Variants in PDS5B observed in about 807,000 individuals in gnomAD.
PDS5B encodes the protein PDS5 cohesin associated factor B, also known as sister chromatid cohesion protein PDS5 homolog B.
A neutral mutation model predicts 184.1 loss-of-function variants in PDS5B; 51 were observed. That is an observed-to-expected ratio of 0.28 (90% CI 0.22 to 0.35). The LOEUF (loss-of-function observed/expected upper bound fraction) is 0.35, where lower values mean the gene tolerates loss of function less well. PDS5B is among the 10% of genes least tolerant of loss of function. The pLI is 1.00. For synonymous variants in PDS5B, 566 were observed against 569.2 expected (o/e 0.99, Z 0.08); for missense variants, 1,180 against 1,723.3 (o/e 0.68, Z 5.58).
chr13:32,627,013 C>CTTT (rs11432906), intron 1 of PDS5B, among the ~76,000 whole-genome samples: 98 of 151,928 alleles, frequency 6.5e-4, no homozygotes, highest in African/African-American at 2.3e-3. Flanking sequence ...CTATCTAGCA[C>CTTT]TTTTTTTTAT....
chr13:32,682,929 G>T (rs1052877556), intron 10 of PDS5B, among the ~76,000 whole-genome samples: 1 of 151,882 alleles, frequency 6.6e-6, no homozygotes, highest in Admixed American at 6.6e-5. Flanking sequence ...TTTACTTGTT[G>T]TCCATCTGCC....
At chr13:32,664,146 T>A (rs1429315739) in intron 6 of PDS5B, among the ~76,000 whole-genome samples, 1 of 152,212 alleles carries the variant, frequency 6.6e-6, no homozygotes, top group Non-Finnish European at 1.5e-5. Flanking sequence ...TGGTTCCATA[T>A]CTTAAGCATG....
chr13:32,630,644 A>C (rs2058439875), intron 1 of PDS5B, among the ~76,000 whole-genome samples: 1 of 152,062 alleles, frequency 6.6e-6, no homozygotes, highest in South Asian at 2.1e-4. Context: ...CAAGGTTAAA[A>C]TCTCTGAGCC....
chr13:32,592,264 T>C (rs1004738637), intron 1 of PDS5B, among the ~76,000 whole-genome samples: 2 of 151,302 alleles, frequency 1.3e-5, no homozygotes, highest in Admixed American at 1.3e-4. Context: ...TTGGTTTTCT[T>C]TTTTTTTGAG....
At chr13:32,657,170 G>A (rs1485209291) in intron 3 of PDS5B, among the ~76,000 whole-genome samples, 2 of 152,176 alleles carry the variant, frequency 1.3e-5, no homozygotes, top group Non-Finnish European at 2.9e-5. Context: ...TGTCAGTGGA[G>A]TGTTAAAGCC....
rs1045761031 is a variant in PDS5B at position 32,777,642 on chromosome 13, G to A, written c.*2590G>A. On this transcript the variant is annotated 3_prime_UTR_variant, in exon 35 of 35. Coordinates refer to ENST00000315596, the MANE Select transcript of PDS5B (RefSeq NM_015032.4). ...TCCATTATGAAAATCTTATTCCTCA[G>A]TGAGGTTATCTTGCTGCACTCTGTA... is the stretch of plus-strand genomic sequence containing the variant. 6.6e-6 allele frequency: 1 copy of A among 152,218 alleles called. No homozygotes were observed. The highest frequency in any genetic ancestry group is 1.5e-5 in the Non-Finnish European group (1 of 67,794). The allele number at this position is 152,218 out of a possible 1,614,324, so 9.4% of individuals were successfully genotyped here. A position where few individuals can be genotyped will look rare whatever the true frequency, so the allele number is the denominator to read the frequency against.
chr13:32,648,801 A>C lies in PDS5B; in HGVS notation c.29A>C (p.Asp10Ala). Residue 10 changes from aspartate to alanine, a missense_variant, in exon 2 of 35, where the codon GAT (aspartate) becomes GCT (alanine). Coordinates refer to ENST00000315596, the MANE Select transcript of PDS5B (RefSeq NM_015032.4). MAHSKTRTN[D>A]GKITYPPGVK... is the part of the protein sequence containing the mutation. ...GCTCATTCAAAGACTAGGACCAATG[A>C]TGGAAAAATTACATATCCGCCTGGG... The C allele has an allele frequency of 6.5e-7, 1 of 1,546,876 alleles. No individual in the cohort carries two copies. Among genetic ancestry groups the C allele is most frequent in the Non-Finnish European group, 8.9e-7 (1 of 1,118,828 alleles).
chr13:32,774,092 T>G (rs556585404), intron 34 of PDS5B, among the ~76,000 whole-genome samples: 1 of 152,332 alleles, frequency 6.6e-6, no homozygotes, highest in African/African-American at 2.4e-5. Flanking sequence ...CATCAGCCAC[T>G]GCACCCGGCC....
chr13:32,740,979 A>C, intron 21 of PDS5B, 101 bp from the exon 22 acceptor site: 1 of 699,980 alleles, frequency 1.4e-6, no homozygotes. Context: ...ATGTCACTGC[A>C]GAAGGTACAG....
intron 22 of PDS5B, 132 bp downstream of exon 22, chr13:32,741,280 T>C: frequency 1.8e-6 from 1 of 551,782 alleles, no homozygotes; most frequent in South Asian, 2.7e-5. Flanking sequence ...TATGATGTCT[T>C]ATGTGCTGTG....
chr13:32,619,095 C>G (rs1414428176), intron 1 of PDS5B, among the ~76,000 whole-genome samples: 1 of 152,160 alleles, frequency 6.6e-6, no homozygotes, highest in East Asian at 1.9e-4. Flanking sequence ...TACCCCTACC[C>G]TGTATTTCAG....
intron 12 of PDS5B, among the ~76,000 whole-genome samples, chr13:32,687,982 T>C (rs1951444623): frequency 6.6e-6 from 1 of 152,180 alleles, no homozygotes; most frequent in African/African-American, 2.4e-5. Context: ...GTTGTACTTC[T>C]TGAGGGTATG....
chr13:32,643,996 G>A (rs1050312462), intron 1 of PDS5B, among the ~76,000 whole-genome samples: 2 of 151,872 alleles, frequency 1.3e-5, no homozygotes, highest in African/African-American at 4.8e-5. Flanking sequence ...CTGGATGTAG[G>A]GACAGTTTCT....
At chr13:32,773,103 A>T in intron 33 of PDS5B, 86 bp from the exon 34 acceptor site, 3 of 1,158,810 alleles carry the variant, frequency 2.6e-6, no homozygotes, top group Non-Finnish European at 3.7e-6. Flanking sequence ...TGATATGACG[A>T]TGAAATACGT....
Position 32,746,005 on chromosome 13 carries a change from G to A in PDS5B, c.2641G>A (p.Ala881Thr), listed in dbSNP as rs1275003751. Residue 881 changes from alanine (A) to threonine (T), a missense_variant, in exon 24 of 35, where the codon GCT (alanine) becomes ACT (threonine). Ala to Thr is a moderately conservative substitution (Grantham distance 58, BLOSUM62 0). This residue lies in a region of PDS5B where 40 missense variants were observed against 107.2 expected (regional missense o/e 0.37). Coordinates refer to ENST00000315596, the MANE Select transcript of PDS5B (RefSeq NM_015032.4). ...ACCAGATATGTCACGTCTGAGACTT[G>A]CTGCTGGGAGTGCTATTGTGAAGCT... is the stretch of plus-strand genomic sequence containing the variant. ...SKPDMSRLRL[A>T]AGSAIVKLAQ... The A allele has an allele frequency of 6.2e-7, 1 of 1,612,448 alleles. No homozygotes were observed. The highest frequency in any genetic ancestry group is 8.5e-7 in the Non-Finnish European group (1 of 1,178,744).
intron 1 of PDS5B, among the ~76,000 whole-genome samples, chr13:32,640,161 TCA>T (rs1203831343): frequency 6.6e-6 from 1 of 152,248 alleles, no homozygotes; most frequent in Non-Finnish European, 1.5e-5. Flanking sequence ...TTTCTTGTAC[TCA>T]GTGTGATTAA....
At chr13:32,655,374 A>ATATATAT in intron 3 of PDS5B, among the ~76,000 whole-genome samples, 2 of 72,466 alleles carry the variant, frequency 2.8e-5, no homozygotes, top group South Asian at 6.6e-4. Context: ...ATATATATAT[A>ATATATAT]TTTTTTTTTT....
chr13:32,597,801 C>T (rs917640504), intron 1 of PDS5B, among the ~76,000 whole-genome samples: 5 of 149,992 alleles, frequency 3.3e-5, no homozygotes, highest in African/African-American at 4.9e-5. Context: ...GAGCAGAGGT[C>T]GTGCCACTGC....
intron 19 of PDS5B, among the ~76,000 whole-genome samples, chr13:32,722,243 G>A (rs1399484159): frequency 1.3e-5 from 2 of 152,232 alleles, no homozygotes; most frequent in African/African-American, 4.8e-5. Flanking sequence ...GCAATCCCAG[G>A]CACTGGGCAG....
Sources: allele counts gnomAD v4.1 joint callset (sites outside exome capture counted in the v4.1 genomes callset), GRCh38; gene constraint gnomAD v4.1.1; regional missense constraint gnomAD v4.1.1; transcripts MANE v1.5; gene names NCBI Gene and HGNC (gene_info 2026-07-23, HGNC 2026-07-21).